The following ZNF831 variants were observed in gnomAD, a reference collection of about 807,000 sequenced individuals.
ZNF831 encodes zinc finger protein 831, also known as chromosome 20 open reading frame 174.
Under a neutral mutation model 95.8 loss-of-function variants are expected in ZNF831, and 59 were observed. The ratio of observed to expected loss-of-function variants is 0.62; its 90% CI spans 0.50 to 0.77. ZNF831 has a LOEUF of 0.77. Ranked by LOEUF, ZNF831 falls within the 30% of genes least tolerant of loss-of-function variation. The probability of loss-of-function intolerance (pLI) is 0.00; values close to 1 mark genes in which losing one functional copy is unlikely to be tolerated. For missense variants in ZNF831, 2,205 were observed against 2,164.0 expected, an observed-to-expected ratio of 1.02 and a Z score of -0.38; for synonymous variants, 961 against 925.5, an observed-to-expected ratio of 1.04 and a Z score of -0.70.
At chr20:59,196,095 A>G in intron 3 of ZNF831, 90 bp downstream of exon 3, 8 of 1,518,582 alleles carry the variant, frequency 5.3e-6, no homozygotes, top group Non-Finnish European at 7.1e-6. Context: ...CTCCAGAGAA[A>G]GAGTTCCTGT....
At chr20:59,155,795 G>A (rs1980504385) in intron 2 of ZNF831, among the ~76,000 whole-genome samples, 1 of 152,174 alleles carries the variant, frequency 6.6e-6, no homozygotes, top group South Asian at 2.1e-4. Context: ...ATGGGTTGGA[G>A]ACCCTGAGTG....
chr20:59,135,034 C>T (rs958245905), intron 1 of ZNF831, among the ~76,000 whole-genome samples: 1 of 152,126 alleles, frequency 6.6e-6, no homozygotes, highest in Admixed American at 6.5e-5. Flanking sequence ...GCTACCCCAG[C>T]AGTCCTCTTT....
chr20:59,243,602 T>C (rs1987448071), intron 4 of ZNF831, among the ~76,000 whole-genome samples: 2 of 152,184 alleles, frequency 1.3e-5, no homozygotes, highest in Non-Finnish European at 2.9e-5. Context: ...TAGGACTCCC[T>C]CATCCACTCA....
chr20:59,130,295 G>A (rs762236254), intron 1 of ZNF831, among the ~76,000 whole-genome samples: 1 of 152,188 alleles, frequency 6.6e-6, no homozygotes, highest in Non-Finnish European at 1.5e-5. Flanking sequence ...CTTCAGCATC[G>A]TGTTCCTTTT....
intron 1 of ZNF831, among the ~76,000 whole-genome samples, chr20:59,138,257 G>T (rs114985655): frequency 1.3e-5 from 2 of 152,272 alleles, no homozygotes; most frequent in African/African-American, 4.8e-5. Context: ...CTGTCTGCAG[G>T]CGTTTGAGGT....
intron 1 of ZNF831, among the ~76,000 whole-genome samples, chr20:59,140,834 G>T (rs557312857): frequency 6.6e-6 from 1 of 152,098 alleles, no homozygotes; most frequent in Non-Finnish European, 1.5e-5. Context: ...ATAATATTCT[G>T]TCTGGATATT....
chr20:59,255,421 G>A lies in ZNF831; in HGVS notation c.*678G>A, dbSNP rs776183144. On this transcript the variant is annotated 3_prime_UTR_variant, in exon 6 of 6. Coordinates refer to ENST00000371030, the MANE Select transcript of ZNF831 (RefSeq NM_178457.3). Reference sequence around the variant, plus strand: ...TTTAAATGTTGCACAAATGGTCAATGCTTATTTATGGTCAGATGATGCAAG... The same window carrying A: ...TTTAAATGTTGCACAAATGGTCAATACTTATTTATGGTCAGATGATGCAAG... 2.6e-5 allele frequency: 4 copies of A among 152,256 alleles called. No homozygotes were observed. Among genetic ancestry groups the A allele is most frequent in the African/African-American group, 4.8e-5 (2 of 41,452 alleles). 9.4% of individuals were successfully genotyped at this position (152,256 alleles called of 1,614,324 possible).
At chr20:59,161,834 C>G (rs1039966480), upstream of ZNF831, among the ~76,000 whole-genome samples, 2 of 152,164 alleles carry the variant, frequency 1.3e-5, no homozygotes, top group African/African-American at 4.8e-5. Flanking sequence ...TAAGAAATAT[C>G]CAAACTGTTT....
Position 59,254,699 on chromosome 20 carries a change from G to A in ZNF831, c.4990G>A (p.Asp1664Asn), listed in dbSNP as rs1181438290. The change falls in exon 6 of 6, where the codon GAC (aspartate) becomes AAC (asparagine). Residue 1664 changes from aspartate to asparagine, a missense_variant. By Grantham distance (23) the Asp-to-Asn change is conservative. Transcript: ENST00000371030. This position sits in a 1 kb window ranked among gnomAD's most constrained non-coding sequence, Gnocchi z 4.5. ...MRKQTRVEFSDTSSDDEDRLV... is the reference protein window; with the variant it reads ...MRKQTRVEFSNTSSDDEDRLV... Reference sequence around the variant, plus strand: ...AAAGCAAACTCGAGTAGAGTTCAGTGACACCAGCAGCGACGATGAAGACCG... The same window carrying A: ...AAAGCAAACTCGAGTAGAGTTCAGTAACACCAGCAGCGACGATGAAGACCG... The A allele has an allele frequency of 6.2e-7, 1 of 1,613,508 alleles. No homozygotes were observed. The highest frequency in any genetic ancestry group is 8.5e-7 in the Non-Finnish European group (1 of 1,179,854).
chr20:59,215,387 T>C (rs145879628), intron 4 of ZNF831, among the ~76,000 whole-genome samples: 2 of 152,278 alleles, frequency 1.3e-5, no homozygotes, highest in African/African-American at 4.8e-5. Context: ...CTACATTGAG[T>C]TTATGGTTTT....
rs138964690 is a variant in ZNF831, at chr20:59,226,095, G to A, written c.4027+19039G>A. On this transcript the variant is annotated intron_variant, in intron 4 of 5. Coordinates refer to ENST00000371030, the MANE Select transcript of ZNF831 (RefSeq NM_178457.3). The stretch of plus-strand genomic sequence containing the variant: ...CAGTGTGGGTCTTATGCCTGGCCCC[G>A]AACCTTCTACTTGGCCAGGTGGGTG... Among the ~76,000 whole-genome samples, 17 of 152,216 alleles carry A rather than the reference G, an allele frequency of 1.1e-4. No individual in the cohort carries two copies. In the South Asian group the frequency reaches 1.7e-3, roughly 15 times the overall value.
chr20:59,149,905 G>C (rs1349819132), intron 2 of ZNF831, among the ~76,000 whole-genome samples: 1 of 152,248 alleles, frequency 6.6e-6, no homozygotes, highest in East Asian at 1.9e-4. Flanking sequence ...CAGGGCTAAG[G>C]CTCTCCAGGG....
At chr20:59,198,254 G>T (rs1984269355) in intron 3 of ZNF831, among the ~76,000 whole-genome samples, 1 of 152,162 alleles carries the variant, frequency 6.6e-6, no homozygotes, top group Non-Finnish European at 1.5e-5. Flanking sequence ...CCCTTATTAG[G>T]CCAGTGCTCT....
chr20:59,145,077 C>T (rs143432128), intron 1 of ZNF831, among the ~76,000 whole-genome samples: 30 of 152,260 alleles, frequency 2.0e-4, no homozygotes, highest in African/African-American at 7.0e-4. Flanking sequence ...GTGGATGGTC[C>T]GGTTCACGCT....
Position 59,193,915 on chromosome 20 carries a change from T to A in ZNF831, c.2896T>A (p.Ser966Thr), listed in dbSNP as rs527694616. 111 of 1,601,722 alleles carry A rather than the reference T, an allele frequency of 6.9e-5. 1 individual carries two copies. In the South Asian group the frequency reaches 1.1e-3, roughly 17 times the overall value. ...CTGGGGACCAAGGCACAGCCAGGACTCTCTCTGCAGCAGTGGGTGGCCTGA... is the reference window on the plus strand; with the variant it reads ...CTGGGGACCAAGGCACAGCCAGGACACTCTCTGCAGCAGTGGGTGGCCTGA... ...IPWGPRHSQD[S>T]LCSSGWPEER... The change falls in exon 2 of 6, where the codon TCT (serine) becomes ACT (threonine). Residue 966 changes from serine to threonine, a missense_variant. By Grantham distance (58) the Ser-to-Thr change is moderately conservative. Transcript: ENST00000371030.
intron 1 of ZNF831, among the ~76,000 whole-genome samples, chr20:59,187,300 G>A (rs1983130240): frequency 6.6e-6 from 1 of 152,134 alleles, no homozygotes; most frequent in Non-Finnish European, 1.5e-5. Context: ...AGGTGGTCAG[G>A]TCATGACGTG....
Position 59,191,946 on chromosome 20 carries a change from C to G in ZNF831, c.927C>G (p.Ala309=). Residue 309 remains alanine (A), a synonymous_variant, in exon 2 of 6, where the codon GCC becomes GCG. Coordinates refer to ENST00000371030, the MANE Select transcript of ZNF831 (RefSeq NM_178457.3). ...RKLPEQKSPT[A]GKPCALQRQQ... ...TGCCAGAGCAGAAGTCGCCGACCGC[C>G]GGGAAGCCGTGCGCCCTGCAGCGGC... The G allele has an allele frequency of 1.2e-6, 2 of 1,609,000 alleles. No homozygotes were observed. The highest frequency in any genetic ancestry group is 1.7e-6 in the Non-Finnish European group (2 of 1,178,392).
chr20:59,157,332 G>T (rs1379152659), intron 2 of ZNF831, among the ~76,000 whole-genome samples: 1 of 152,234 alleles, frequency 6.6e-6, no homozygotes, highest in East Asian at 1.9e-4. Context: ...CCTACTGAAA[G>T]TGTGGGGGCG....
chr20:59,220,569 A>G (rs1019218805), intron 4 of ZNF831, among the ~76,000 whole-genome samples: 2 of 152,214 alleles, frequency 1.3e-5, no homozygotes, highest in African/African-American at 4.8e-5. Context: ...CATGCCATGG[A>G]GAAAGTCTTG....
Sources: gnomAD v4.1 joint callset for allele counts (sites outside exome capture counted in the v4.1 genomes callset) on GRCh38, gnomAD v4.1.1 for gene constraint, Gnocchi (gnomAD v3.1) non-coding constraint, MANE v1.5 for transcripts, NCBI Gene and HGNC (gene_info 2026-07-23, HGNC 2026-07-21) for gene names.